Variants in SGIP1 observed in about 807,000 individuals in gnomAD.
The protein encoded by SGIP1 is SH3GL interacting endocytic adaptor 1, also known as SH3-containing GRB2-like protein 3-interacting protein 1.
A neutral mutation model predicts 107.5 loss-of-function variants in SGIP1; 38 were observed. The observed-to-expected ratio is 0.35, with a 90% CI of 0.27 to 0.46. SGIP1 has a LOEUF of 0.46. Ranked by LOEUF, SGIP1 falls within the 20% of genes least tolerant of loss-of-function variation. The probability of loss-of-function intolerance (pLI) is 1.00; values close to 1 mark genes in which losing one functional copy is unlikely to be tolerated. For synonymous variants in SGIP1, 365 were observed against 366.1 expected (o/e 1.00, Z 0.03); for missense variants, 929 against 1,019.5 (o/e 0.91, Z 1.21).
At chr1:66,534,790 C>T (rs1424193117) in intron 1 of SGIP1, among the ~76,000 whole-genome samples, 1 of 152,200 alleles carries the variant, frequency 6.6e-6, no homozygotes, top group African/African-American at 2.4e-5. Flanking sequence ...GTTATCCATA[C>T]AGACATTTTC....
chr1:66,607,763 T>C (rs1252033595), intron 1 of SGIP1, among the ~76,000 whole-genome samples: 1 of 152,190 alleles, frequency 6.6e-6, no homozygotes, highest in South Asian at 2.1e-4. Context: ...TAGCACTTGG[T>C]GGAAAGGGGA....
rs985243737 is a variant in SGIP1 at position 66,748,356 on chromosome 1, G to C, written c.*5261G>C. On this transcript the variant is annotated 3_prime_UTR_variant, in exon 25 of 25. Transcript: ENST00000371037. ...GTTCTGTCATCTTCTGCAAGCTAGA[G>C]TTGCACTGCTGACATCTAATTAAGA... 1.3e-5 allele frequency: 2 copies of C among 151,968 alleles called. No individual in the cohort carries two copies. Among genetic ancestry groups the C allele is most frequent in the Admixed American group, 6.6e-5 (1 of 15,264 alleles). 9.4% of individuals were successfully genotyped at this position (151,968 alleles called of 1,614,324 possible). A position where few individuals can be genotyped will look rare whatever the true frequency, so the allele number is the denominator to read the frequency against.
At chr1:66,637,453 GTT>G (rs869070603) in intron 4 of SGIP1, among the ~76,000 whole-genome samples, 1,840 of 23,902 alleles carry the variant, frequency 0.077, 35 homozygotes, top group East Asian at 0.3. Flanking sequence ...GTGTGTGTGT[GTT>G]TGTGTGTGTG....
At chr1:66,607,030 C>T (rs1048375913) in intron 1 of SGIP1, among the ~76,000 whole-genome samples, 34 of 152,154 alleles carry the variant, frequency 2.2e-4, no homozygotes, top group Non-Finnish European at 3.4e-4. Context: ...AAGACATACC[C>T]TGATGAAAAA....
intron 1 of SGIP1, among the ~76,000 whole-genome samples, chr1:66,596,799 A>G (rs2064804964): frequency 6.6e-6 from 1 of 151,996 alleles, no homozygotes; most frequent in Non-Finnish European, 1.5e-5. Flanking sequence ...TACAACTACA[A>G]TTATCTCAAA....
At chr1:66,701,002 CTG>C (rs1192510692) in intron 18 of SGIP1, among the ~76,000 whole-genome samples, 1 of 152,122 alleles carries the variant, frequency 6.6e-6, no homozygotes, top group Non-Finnish European at 1.5e-5. Flanking sequence ...TATATTATCT[CTG>C]TGAAAAAAAT....
rs2094609346 is a variant in SGIP1 at position 66,750,482 on chromosome 1, T to C, written c.*7387T>C. On this transcript the variant is annotated 3_prime_UTR_variant, in exon 25 of 25. Transcript: ENST00000371037. Reference sequence around the variant, plus strand: ...ATTTGATTTGGTGGTAGCCTTTATTTAGAGCTCTCTTTGATCTATGTAGCA... The same window carrying C: ...ATTTGATTTGGTGGTAGCCTTTATTCAGAGCTCTCTTTGATCTATGTAGCA... Among the ~76,000 whole-genome samples, 1 of 152,188 alleles carries C rather than the reference T, an allele frequency of 6.6e-6. No homozygotes were observed. The highest frequency in any genetic ancestry group is 1.5e-5 in the Non-Finnish European group (1 of 68,030).
At chr1:66,650,242 T>C (rs2078474650) in intron 7 of SGIP1, among the ~76,000 whole-genome samples, 1 of 152,170 alleles carries the variant, frequency 6.6e-6, no homozygotes, top group African/African-American at 2.4e-5. Flanking sequence ...CTAAATTGTT[T>C]TGAGTACCAT....
At chr1:66,548,931 C>T (rs17486958) in intron 1 of SGIP1, among the ~76,000 whole-genome samples, 17,917 of 152,250 alleles carry the variant, frequency 0.12, 1,136 homozygotes, top group South Asian at 0.16. Context: ...ATATGCAAGG[C>T]TTCCTGTAGG....
chr1:66,586,861 G>T (rs1320656119), intron 1 of SGIP1, among the ~76,000 whole-genome samples: 1 of 151,662 alleles, frequency 6.6e-6, no homozygotes, highest in Admixed American at 6.6e-5. Flanking sequence ...TTTAGAGTAG[G>T]TCTGCTGGTG....
intron 1 of SGIP1, among the ~76,000 whole-genome samples, chr1:66,558,187 T>G (rs913359034): frequency 6.6e-6 from 1 of 152,054 alleles, no homozygotes; most frequent in Non-Finnish European, 1.5e-5. Context: ...TTGGAGACAA[T>G]GGCATTCATC....
intron 4 of SGIP1, among the ~76,000 whole-genome samples, chr1:66,638,122 T>C (rs1417853471): frequency 6.6e-6 from 1 of 152,122 alleles, no homozygotes; most frequent in African/African-American, 2.4e-5. Context: ...ATATTGAACT[T>C]GTTTATTATA....
At position 66,743,248 on chromosome 1, in the gene SGIP1, A is replaced by G. The variant is rs1021485077; in HGVS notation, c.*153A>G. The stretch of plus-strand genomic sequence containing the variant: ...ATGACTTTCATCTGTGATTTCCCTC[A>G]CACACTACCATGATGACCAGTCCTA... On this transcript the variant is annotated 3_prime_UTR_variant, in exon 25 of 25. Transcript: ENST00000371037. 3.0e-5 allele frequency: 20 copies of G among 667,944 alleles called. 1 individual carries two copies. The South Asian group carries it at 3.6e-4, about 12-fold the overall frequency. The allele number at this position is 667,944 out of a possible 1,614,324, so 41.4% of individuals were successfully genotyped here.
chr1:66,671,122 T>C, intron 10 of SGIP1, 103 bp downstream of exon 10: 1 of 533,618 alleles, frequency 1.9e-6, no homozygotes, highest in Non-Finnish European at 3.1e-6. Flanking sequence ...TTCCTGGGCT[T>C]AATTTTTAAG....
intron 18 of SGIP1, among the ~76,000 whole-genome samples, chr1:66,713,068 G>A (rs376363293): frequency 6.6e-6 from 1 of 152,092 alleles, no homozygotes; most frequent in African/African-American, 2.4e-5. Flanking sequence ...AGCAAGGTAG[G>A]GAGGAGGGTG....
intron 3 of SGIP1, chr1:66,634,141 C>T: frequency 6.2e-7 from 1 of 1,610,172 alleles, no homozygotes; most frequent in Non-Finnish European, 8.5e-7. Flanking sequence ...TGGCTCAGAG[C>T]CCTCTCGTTA....
In SGIP1 at chr1:66,639,648, C is replaced by T. The variant is rs918451978; in HGVS notation, c.172-129C>T. On this transcript the variant is annotated intron_variant, in intron 4 of 24. Coordinates refer to ENST00000371037, the MANE Select transcript of SGIP1 (RefSeq NM_032291.4). ...ACAAATGTGGCTCCTTAATAAACTGCTCTAATATGTCTTTCCAGTGCTGGA... is the reference window on the plus strand; with the variant it reads ...ACAAATGTGGCTCCTTAATAAACTGTTCTAATATGTCTTTCCAGTGCTGGA... 8 of 728,334 alleles carry T rather than the reference C, an allele frequency of 1.1e-5. No individual in the cohort carries two copies. In the African/African-American group the frequency reaches 1.3e-4, roughly 11 times the overall value. 45.1% of individuals were successfully genotyped at this position (728,334 alleles called of 1,614,324 possible).
In SGIP1 at chr1:66,689,425, A is replaced by T. The variant is rs138838148; in HGVS notation, c.1443+150A>T. The T allele has an allele frequency of 4.9e-4, 487 of 991,736 alleles. 4 individuals are homozygous for T. In the East Asian group the frequency reaches 0.012, roughly 24 times the overall value. 61.4% of individuals were successfully genotyped at this position (991,736 alleles called of 1,614,324 possible). On this transcript the variant is annotated intron_variant, in intron 16 of 24. Coordinates refer to ENST00000371037, the MANE Select transcript of SGIP1 (RefSeq NM_032291.4). ...GACAGTCACTGCGGTATGAGTGTAC[A>T]TTTCAACCCTCCTCAAATTTCTACC...
At chr1:66,690,972 G>A (rs529363438) in intron 17 of SGIP1, among the ~76,000 whole-genome samples, 1 of 152,282 alleles carries the variant, frequency 6.6e-6, no homozygotes, top group East Asian at 1.9e-4. Context: ...GGTTTTCCAA[G>A]GTTTCAATGC....
Sources: allele counts gnomAD v4.1 joint callset (sites outside exome capture counted in the v4.1 genomes callset), GRCh38; gene constraint gnomAD v4.1.1; transcripts MANE v1.5; gene names NCBI Gene and HGNC (gene_info 2026-07-23, HGNC 2026-07-21).